SLC12A1: variants seen among roughly 807,000 people sequenced by gnomAD.
The protein encoded by SLC12A1 is Na-K-2Cl cotransporter.
A neutral mutation model predicts 130.4 loss-of-function variants in SLC12A1; 89 were observed. That is an observed-to-expected ratio of 0.68 (90% confidence interval 0.58 to 0.81). The LOEUF (loss-of-function observed/expected upper bound fraction) is 0.81, where lower values mean the gene tolerates loss of function less well. Ranked by LOEUF, SLC12A1 falls within the 40% of genes least tolerant of loss-of-function variation. SLC12A1 has a pLI of 0.00. For missense variants in SLC12A1, 1,310 were observed against 1,336.4 expected (o/e 0.98, Z 0.31); for synonymous variants, 499 against 460.0 (o/e 1.08, Z -1.09).
intron 18 of SLC12A1, among the ~76,000 whole-genome samples, chr15:48,269,440 T>A (rs1739945584): frequency 6.6e-6 from 1 of 152,220 alleles, no homozygotes; most frequent in Non-Finnish European, 1.5e-5. Flanking sequence ...AAAGCTACAT[T>A]TCTGTCATCT....
At chr15:48,250,602 G>A (rs1385971012) in intron 14 of SLC12A1, among the ~76,000 whole-genome samples, 1 of 148,944 alleles carries the variant, frequency 6.7e-6, no homozygotes, top group Non-Finnish European at 1.5e-5. Context: ...CGGGAAAGAA[G>A]GAGAGAGACA....
rs779374954 is a variant in SLC12A1, at chr15:48,299,179, C to T, written c.3000C>T (p.Leu1000=). The change falls in exon 25 of 27, where the codon CTC becomes CTT. Residue 1000 remains leucine (L), a synonymous_variant. Coordinates refer to ENST00000380993, the MANE Select transcript of SLC12A1 (RefSeq NM_000338.3). ...VFEEMIEPYR[L]HESCKDLTTA... ...AAGAGATGATTGAACCATATCGTCT[C>T]CATGAAAGCTGCAAAGATTTAACAA... is the stretch of plus-strand genomic sequence containing the variant. 1.2e-6 allele frequency: 2 copies of T among 1,605,966 alleles called. No individual in the cohort carries two copies. The highest frequency in any genetic ancestry group is 2.3e-5 in the South Asian group (2 of 88,550).
chr15:48,274,545 G>C (rs375364168), intron 19 of SLC12A1, 26 bp from the exon 20 acceptor site: 156 of 1,542,162 alleles, frequency 1.0e-4, no homozygotes, highest in Non-Finnish European at 1.3e-4. Context: ...CATTTAAAAC[G>C]CTGACTGCTT....
At chr15:48,221,902 G>T (rs1306744351) in intron 4 of SLC12A1, among the ~76,000 whole-genome samples, 1 of 152,180 alleles carries the variant, frequency 6.6e-6, no homozygotes, top group Non-Finnish European at 1.5e-5. Context: ...TTAAAAGGTA[G>T]TTGGTCATTA....
At chr15:48,300,330 A>C (rs1440267518) in intron 25 of SLC12A1, among the ~76,000 whole-genome samples, 1 of 152,068 alleles carries the variant, frequency 6.6e-6, no homozygotes, top group Non-Finnish European at 1.5e-5. Context: ...TGTTTAAAAA[A>C]AAAAAAAAGA....
chr15:48,244,965 G>A lies in SLC12A1; in HGVS notation c.1452+61G>A, dbSNP rs958337190. ...ATTTTCATTTTTTGAATGTCACATA[G>A]AGTAAGATTTCTGAATCTGCAACTG... On this transcript the variant is annotated intron_variant, in intron 11 of 26. Transcript: ENST00000380993. 15 of 1,485,106 alleles carry A rather than the reference G, an allele frequency of 1.0e-5. No homozygotes were observed. The African/African-American group carries it at 1.1e-4, about 11-fold the overall frequency. 92.0% of individuals were successfully genotyped at this position (1,485,106 alleles called of 1,614,324 possible). A position where few individuals can be genotyped will look rare whatever the true frequency, so the allele number is the denominator to read the frequency against.
chr15:48,279,911 A>C (rs35887853), intron 20 of SLC12A1, among the ~76,000 whole-genome samples: 7,544 of 152,282 alleles, frequency 0.05, 540 homozygotes, highest in African/African-American at 0.15. Context: ...TCCTGCCTTC[A>C]ATTCAACTAG....
chr15:48,221,478 T>G lies in SLC12A1; in HGVS notation c.628+482T>G. The G allele has an allele frequency of 4.5e-6, 3 of 669,906 alleles. No individual in the cohort carries two copies. The South Asian group carries it at 4.9e-5, about 11-fold the overall frequency. The allele number at this position is 669,906 out of a possible 1,614,324, so 41.5% of individuals were successfully genotyped here. A position where few individuals can be genotyped will look rare whatever the true frequency, so the allele number is the denominator to read the frequency against. ...AGAAAATAATTGTGTTACTTTCGGG[T>G]ACCAGCAGTAAGAAAACAAAGGTTA... On this transcript the variant is annotated intron_variant, in intron 4 of 26. Coordinates refer to ENST00000380993, the MANE Select transcript of SLC12A1 (RefSeq NM_000338.3).
rs1035710577 is a variant in SLC12A1, at chr15:48,239,847, C to T, written c.1216-1668C>T. Reference sequence around the variant, plus strand: ...TGTATTTTTAGTAGAGATGGGGTTTCGCCATGTTGGCTAGGCTGCTCTCTA... The same window carrying T: ...TGTATTTTTAGTAGAGATGGGGTTTTGCCATGTTGGCTAGGCTGCTCTCTA... On this transcript the variant is annotated intron_variant, in intron 9 of 26. Transcript: ENST00000380993. 4.6e-5 allele frequency among the ~76,000 whole-genome samples: 7 copies of T among 151,566 alleles called. No individual in the cohort carries two copies. The South Asian group carries it at 8.3e-4, about 18-fold the overall frequency.
Position 48,269,759 on chromosome 15 carries a change from C to A in SLC12A1, c.2397C>A (p.Ile799=). ...CAGAGATTGAGAACTACGTGGGAAT[C>A]ATACAGTAAGTGATGGCTTTCAAGA... is the stretch of plus-strand genomic sequence containing the variant. The part of the protein sequence containing the change: ...PLTEIENYVG[I]IHDAFDFEIG... The change falls in exon 19 of 27, where the codon ATC becomes ATA. Residue 799 remains isoleucine, a synonymous_variant. Transcript: ENST00000380993. 1 of 1,569,438 alleles carries A rather than the reference C, an allele frequency of 6.4e-7. No homozygotes were observed. The highest frequency in any genetic ancestry group is 8.8e-7 in the Non-Finnish European group (1 of 1,139,918).
At chr15:48,259,840 G>C (rs1429915472) in intron 17 of SLC12A1, among the ~76,000 whole-genome samples, 1 of 152,118 alleles carries the variant, frequency 6.6e-6, no homozygotes, top group African/African-American at 2.4e-5. Context: ...AATTATTTTT[G>C]CCCAGGAAAT....
intron 13 of SLC12A1, among the ~76,000 whole-genome samples, chr15:48,247,958 G>A (rs909680083): frequency 1.3e-5 from 2 of 152,164 alleles, no homozygotes; most frequent in South Asian, 2.1e-4. Flanking sequence ...CAAGAGATTC[G>A]TAGACCACTG....
chr15:48,264,356 T>C (rs1349313186), intron 17 of SLC12A1, among the ~76,000 whole-genome samples: 2 of 152,096 alleles, frequency 1.3e-5, no homozygotes, highest in African/African-American at 4.8e-5. Flanking sequence ...TCTCAATAAA[T>C]CTCACAGAAG....
chr15:48,267,827 G>A, intron 18 of SLC12A1, 126 bp downstream of exon 18: 1 of 1,014,582 alleles, frequency 9.9e-7, no homozygotes, highest in South Asian at 1.6e-5. Context: ...AGATGGTTAA[G>A]GGATTATTTT....
chr15:48,259,283 G>A lies in SLC12A1; in HGVS notation c.2126G>A (p.Gly709Asp). 1 of 1,613,528 alleles carries A rather than the reference G, an allele frequency of 6.2e-7. No individual in the cohort carries two copies. The highest frequency in any genetic ancestry group is 1.1e-5 in the South Asian group (1 of 91,052). The change falls in exon 17 of 27, where the codon GGC becomes GAC. Residue 709 changes from glycine (G) to aspartate (D), a missense_variant. Coordinates refer to ENST00000380993, the MANE Select transcript of SLC12A1 (RefSeq NM_000338.3). ...DITHAFTKNS[G>D]LCICCEVFVG... ...ACTCACGCCTTTACCAAGAACAGTG[G>A]CCTTTGCATCTGCTGTGAAGTCTTT...
chr15:48,209,847 C>G (rs2041031097), intron 2 of SLC12A1, among the ~76,000 whole-genome samples: 1 of 152,140 alleles, frequency 6.6e-6, no homozygotes, highest in Non-Finnish European at 1.5e-5. Context: ...TTCCTTGTCC[C>G]CTTTCCCCAC....
At chr15:48,231,730 T>G (rs914908014) in intron 7 of SLC12A1, among the ~76,000 whole-genome samples, 1 of 152,160 alleles carries the variant, frequency 6.6e-6, no homozygotes, top group African/African-American at 2.4e-5. Flanking sequence ...TGTTATTATT[T>G]AAATGGGCCA....
chr15:48,213,169 G>A (rs994895724), intron 2 of SLC12A1, among the ~76,000 whole-genome samples: 11 of 152,176 alleles, frequency 7.2e-5, no homozygotes, highest in Non-Finnish European at 1.2e-4. Context: ...ATGTCTGCAG[G>A]ACTCCAGAGT....
chr15:48,269,621 G>A (rs759743069), intron 18 of SLC12A1, 37 bp from the exon 19 acceptor site: 5 of 1,104,938 alleles, frequency 4.5e-6, no homozygotes, highest in South Asian at 3.9e-5. Flanking sequence ...TTCCCAGTAC[G>A]GTAAGGATTG....
Sources: gnomAD v4.1 joint callset for allele counts (sites outside exome capture counted in the v4.1 genomes callset) on GRCh38, gnomAD v4.1.1 for gene constraint, MANE v1.5 for transcripts, NCBI Gene and HGNC (gene_info 2026-07-23, HGNC 2026-07-21) for gene names.